Variants in KITLG observed in about 807,000 individuals in gnomAD.
KITLG encodes KIT ligand, also known as c-Kit ligand.
KITLG carries 13 observed loss-of-function variants against 34.1 expected under a neutral mutation model. That is an observed-to-expected ratio of 0.38 (90% CI 0.25 to 0.61). KITLG has a LOEUF of 0.61. Ranked by LOEUF, KITLG falls within the 20% of genes least tolerant of loss-of-function variation. The pLI is 0.60. For missense variants in KITLG, 292 were observed against 318.9 expected, an observed-to-expected ratio of 0.92 and a Z score of 0.64; for synonymous variants, 110 against 104.0, an observed-to-expected ratio of 1.06 and a Z score of -0.35.
chr12:88,536,677 C>A (rs1174086722), intron 2 of KITLG, among the ~76,000 whole-genome samples: 1 of 152,262 alleles, frequency 6.6e-6, no homozygotes, highest in Non-Finnish European at 1.5e-5. Context: ...AGTTCATGTC[C>A]TTTGCAGAGA....
At chr12:88,499,886 T>C (rs1868785917) in intron 9 of KITLG, among the ~76,000 whole-genome samples, 1 of 152,190 alleles carries the variant, frequency 6.6e-6, no homozygotes. Context: ...GCCTGGTAAG[T>C]GGACTCAATT....
intron 1 of KITLG, among the ~76,000 whole-genome samples, chr12:88,575,845 T>G (rs1286780199): frequency 6.6e-6 from 1 of 151,686 alleles, no homozygotes; most frequent in African/African-American, 2.4e-5. Context: ...CAAAAGGGAA[T>G]AAAAATAATT....
intron 1 of KITLG, among the ~76,000 whole-genome samples, chr12:88,572,918 TTA>T (rs1351888452): frequency 1.3e-5 from 2 of 152,122 alleles, no homozygotes; most frequent in Non-Finnish European, 2.9e-5. Flanking sequence ...CATCAAAGAT[TTA>T]TGAGTAGGGC....
chr12:88,554,106 A>G (rs1011236599), intron 1 of KITLG, among the ~76,000 whole-genome samples: 1 of 152,126 alleles, frequency 6.6e-6, no homozygotes, highest in African/African-American at 2.4e-5. Context: ...ACCCAAAACA[A>G]ACCATGGACT....
At chr12:88,512,175 G>A (rs1450342221) in intron 6 of KITLG, among the ~76,000 whole-genome samples, 2 of 152,078 alleles carry the variant, frequency 1.3e-5, no homozygotes, top group East Asian at 1.9e-4. Flanking sequence ...TGAGTATGCA[G>A]ATGGAAAATT....
chr12:88,560,904 G>A (rs1197397123), intron 1 of KITLG, among the ~76,000 whole-genome samples: 1 of 149,124 alleles, frequency 6.7e-6, no homozygotes, highest in Non-Finnish European at 1.5e-5. Flanking sequence ...GGAGGCGGAG[G>A]TTGCGGTGAG....
chr12:88,495,045 C>T lies in KITLG; in HGVS notation c.*2174G>A, dbSNP rs971249199. On this transcript the variant is annotated 3_prime_UTR_variant, in exon 10 of 10. Coordinates refer to ENST00000644744, the MANE Select transcript of KITLG (RefSeq NM_000899.5). ...ATCCATGTAACTTTCAATGGACCAACACATTTAATAAGCAGGACACATCTC... is the reference window on the plus strand; with the variant it reads ...ATCCATGTAACTTTCAATGGACCAATACATTTAATAAGCAGGACACATCTC... The T allele has an allele frequency of 1.3e-5, 2 of 152,014 alleles. No individual in the cohort carries two copies. Among genetic ancestry groups the T allele is most frequent in the Admixed American group, 6.6e-5 (1 of 15,238 alleles). The allele number at this position is 152,014 out of a possible 1,614,324, so 9.4% of individuals were successfully genotyped here. A position where few individuals can be genotyped will look rare whatever the true frequency, so the allele number is the denominator to read the frequency against.
At chr12:88,542,766 T>A (rs1373939963) in intron 2 of KITLG, among the ~76,000 whole-genome samples, 1 of 152,190 alleles carries the variant, frequency 6.6e-6, no homozygotes, top group East Asian at 1.9e-4. Flanking sequence ...TCTCCACAAG[T>A]TGAGATTCGG....
chr12:88,529,188 T>C (rs1869988423), intron 3 of KITLG, among the ~76,000 whole-genome samples: 1 of 152,284 alleles, frequency 6.6e-6, no homozygotes, highest in South Asian at 2.1e-4. Context: ...ATTTTTAAAC[T>C]CAAATATTAC....
chr12:88,573,481 T>C (rs1871724616), intron 1 of KITLG, among the ~76,000 whole-genome samples: 1 of 152,156 alleles, frequency 6.6e-6, no homozygotes, highest in Non-Finnish European at 1.5e-5. Context: ...GCCACTCAAA[T>C]ACTCACATTT....
At chr12:88,545,672 T>C in intron 2 of KITLG, 80 bp downstream of exon 2, 1 of 811,532 alleles carries the variant, frequency 1.2e-6, no homozygotes, top group Admixed American at 2.5e-5. Context: ...GCAAGAAAAA[T>C]CTAAATCTTT....
At chr12:88,547,563 C>T (rs1870759979) in intron 1 of KITLG, among the ~76,000 whole-genome samples, 2 of 152,122 alleles carry the variant, frequency 1.3e-5, no homozygotes, top group Non-Finnish European at 2.9e-5. Flanking sequence ...AACAGTCTTC[C>T]TTCACATGTG....
chr12:88,572,969 C>T (rs996053169), intron 1 of KITLG, among the ~76,000 whole-genome samples: 1 of 152,116 alleles, frequency 6.6e-6, no homozygotes, highest in Non-Finnish European at 1.5e-5. Context: ...GCGAGAAATC[C>T]AAACTAAAGC....
intron 3 of KITLG, among the ~76,000 whole-genome samples, chr12:88,530,572 A>ATTGGT (rs913186801): frequency 3.6e-4 from 55 of 152,142 alleles, no homozygotes; most frequent in African/African-American, 1.3e-3. Context: ...TGTTTCTTCA[A>ATTGGT]GTGTCTGCCA....
chr12:88,575,927 T>TGTCACTGCACGTTGCCTGGTAAAGACAAC (rs1871810049), intron 1 of KITLG, among the ~76,000 whole-genome samples: 1 of 149,992 alleles, frequency 6.7e-6, no homozygotes, highest in Admixed American at 6.6e-5. Context: ...GAAAAAAAAA[T>TGTCACTGCACGTTGCCTGGTAAAGACAAC]GTCACTGCAC....
chr12:88,559,624 G>A (rs1452523048), intron 1 of KITLG, among the ~76,000 whole-genome samples: 2 of 152,114 alleles, frequency 1.3e-5, no homozygotes, highest in African/African-American at 2.4e-5. Flanking sequence ...AAAAAGCCCA[G>A]TAATTAAGCA....
At chr12:88,502,520 C>T (rs1868899931) in intron 9 of KITLG, among the ~76,000 whole-genome samples, 1 of 152,166 alleles carries the variant, frequency 6.6e-6, no homozygotes, top group Non-Finnish European at 1.5e-5. Flanking sequence ...GCCAACAATG[C>T]ACGGGCAGCA....
chr12:88,529,893 T>C (rs1160358514), intron 3 of KITLG, among the ~76,000 whole-genome samples: 2 of 152,182 alleles, frequency 1.3e-5, no homozygotes, highest in Non-Finnish European at 2.9e-5. Flanking sequence ...GAACAGTGTT[T>C]CTCCAGTTGT....
rs1018609611 is a variant in KITLG, at chr12:88,519,358, T to C, written c.193-491A>G. Among the ~76,000 whole-genome samples, 91 of 152,112 alleles carry C rather than the reference T, an allele frequency of 6.0e-4. 1 individual carries two copies. The highest frequency in any genetic ancestry group is 5.8e-3 in the Admixed American group (89 of 15,256). On this transcript the variant is annotated intron_variant, in intron 3 of 9. Transcript: ENST00000644744. ...TTTTAATGTGTTATCTTTTCTCTTA[T>C]AAAGATCTTTTAAGTGGAAACTCTG...
Sources: gnomAD v4.1 joint callset for allele counts (sites outside exome capture counted in the v4.1 genomes callset) on GRCh38, gnomAD v4.1.1 for gene constraint, MANE v1.5 for transcripts, NCBI Gene and HGNC (gene_info 2026-07-23, HGNC 2026-07-21) for gene names.